The following KIZ variants were observed in gnomAD, a reference collection of about 807,000 sequenced individuals.
KIZ encodes the protein centrosomal protein kizuna.
KIZ carries 68 observed loss-of-function variants against 79.6 expected under a neutral mutation model. The observed-to-expected ratio is 0.85, with a 90% CI of 0.70 to 1.05. The LOEUF (loss-of-function observed/expected upper bound fraction) is 1.05, where lower values mean the gene tolerates loss of function less well. Ranked by LOEUF, KIZ falls within the 50% of genes least tolerant of loss-of-function variation. The pLI is 0.00. For missense variants in KIZ, 797 were observed against 800.4 expected, an observed-to-expected ratio of 1.00 and a Z score of 0.05; for synonymous variants, 280 against 281.8, an observed-to-expected ratio of 0.99 and a Z score of 0.06.
Position 21,136,551 on chromosome 20 carries a change from AG to A in KIZ, c.315+1del. 1 of 1,547,388 alleles carries A rather than the reference AG, an allele frequency of 6.5e-7. No homozygotes were observed. The highest frequency in any genetic ancestry group is 2.3e-5 in the East Asian group (1 of 43,466). ...AATACAGAGAAGCTTCAAAAACTGA[AG>A]GTGACTTCCTGTTTTTTACTGTGTT... ...TTNTEKLQKL[K>X]LEYETQIKKM... is the part of the protein sequence containing the mutation. On this transcript the variant is annotated frameshift_variant and splice_region_variant, in exon 3 of 13. Transcript: ENST00000619189. LOFTEE classifies it high-confidence loss of function.
chr20:21,232,949 T>G, intron 11 of KIZ, 119 bp downstream of exon 11: 1 of 632,974 alleles, frequency 1.6e-6, no homozygotes, highest in Non-Finnish European at 2.9e-6. Flanking sequence ...ATGGTTTGGG[T>G]TTTTGTTTAT....
chr20:21,165,616 A>G (rs1296054325), intron 6 of KIZ, among the ~76,000 whole-genome samples: 2 of 152,206 alleles, frequency 1.3e-5, no homozygotes, highest in Admixed American at 1.3e-4. Context: ...AGAAGTGTAG[A>G]TGGCCCTGAG....
chr20:21,216,072 G>T (rs1306568828), intron 9 of KIZ, among the ~76,000 whole-genome samples: 1 of 152,142 alleles, frequency 6.6e-6, no homozygotes, highest in South Asian at 2.1e-4. Context: ...TAGGAAGCTT[G>T]CGTTTGCCTC....
chr20:21,146,948 C>T (rs185889691), intron 4 of KIZ, among the ~76,000 whole-genome samples: 9 of 152,148 alleles, frequency 5.9e-5, no homozygotes, highest in Admixed American at 5.2e-4. Flanking sequence ...ATATGCCATT[C>T]GATGTAGGCC....
At chr20:21,186,498 G>T (rs1158747996) in intron 6 of KIZ, among the ~76,000 whole-genome samples, 1 of 151,158 alleles carries the variant, frequency 6.6e-6, no homozygotes, top group African/African-American at 2.4e-5. Context: ...AGAGGTCATT[G>T]CATCTGGTTC....
intron 10 of KIZ, among the ~76,000 whole-genome samples, chr20:21,230,015 A>T (rs1007897177): frequency 6.6e-6 from 1 of 152,184 alleles, no homozygotes; most frequent in Non-Finnish European, 1.5e-5. Flanking sequence ...TTAGAGTATA[A>T]GTTACCTCAG....
intron 11 of KIZ, among the ~76,000 whole-genome samples, chr20:21,239,290 T>G (rs2037137842): frequency 6.6e-6 from 1 of 152,210 alleles, no homozygotes; most frequent in Admixed American, 6.5e-5. Flanking sequence ...GCCAGGCACA[T>G]GCTGTGGCAG....
intron 4 of KIZ, among the ~76,000 whole-genome samples, 195 bp downstream of exon 4, chr20:21,145,849 C>G (rs1282424796): frequency 6.6e-6 from 1 of 152,100 alleles, no homozygotes; most frequent in Non-Finnish European, 1.5e-5. Context: ...AAGGGTGTTA[C>G]TTTGTGAAGA....
chr20:21,151,991 G>T (rs377746384), intron 4 of KIZ, among the ~76,000 whole-genome samples: 8 of 152,270 alleles, frequency 5.3e-5, no homozygotes, highest in East Asian at 3.9e-4. Context: ...TGCATATGGC[G>T]CCCAGAATCC....
At chr20:21,129,484 C>T (rs1025105241) in intron 1 of KIZ, among the ~76,000 whole-genome samples, 11 of 152,178 alleles carry the variant, frequency 7.2e-5, no homozygotes, top group African/African-American at 2.6e-4. Context: ...CCTATAATCC[C>T]GGCACTTTGA....
chr20:21,217,194 T>A (rs1468545514), intron 9 of KIZ, among the ~76,000 whole-genome samples: 2 of 152,236 alleles, frequency 1.3e-5, no homozygotes, highest in African/African-American at 4.8e-5. Flanking sequence ...AAGGTGTTAC[T>A]GTTCTGTCCT....
intron 11 of KIZ, among the ~76,000 whole-genome samples, chr20:21,236,664 G>A (rs760044646): frequency 6.6e-6 from 1 of 152,166 alleles, no homozygotes; most frequent in African/African-American, 2.4e-5. Flanking sequence ...GGGTATATTT[G>A]TTAATGGGCC....
At chr20:21,140,200 A>G (rs1027780839) in intron 3 of KIZ, among the ~76,000 whole-genome samples, 5 of 152,142 alleles carry the variant, frequency 3.3e-5, no homozygotes, top group Non-Finnish European at 7.4e-5. Context: ...TCTCCTCTTA[A>G]TGCTGCCATC....
At chr20:21,190,881 AT>A (rs2035078089) in intron 6 of KIZ, among the ~76,000 whole-genome samples, 1 of 152,190 alleles carries the variant, frequency 6.6e-6, no homozygotes, top group Admixed American at 6.5e-5. Context: ...AATAGATGAA[AT>A]TGTCTTTTCA....
intron 3 of KIZ, among the ~76,000 whole-genome samples, chr20:21,136,982 C>G (rs577513836): frequency 2.0e-5 from 3 of 152,304 alleles, no homozygotes; most frequent in South Asian, 4.1e-4. Context: ...AATGGGATAT[C>G]TCTAACACAG....
intron 2 of KIZ, 41 bp downstream of exon 2, chr20:21,132,200 A>G (rs1289457129): frequency 6.3e-6 from 6 of 945,228 alleles, no homozygotes; most frequent in African/African-American, 1.7e-5. Flanking sequence ...GCCAGGTTCC[A>G]TATATTAATC....
At chr20:21,159,651 CATG>C (rs1205960102) in intron 4 of KIZ, among the ~76,000 whole-genome samples, 2 of 152,200 alleles carry the variant, frequency 1.3e-5, no homozygotes, top group African/African-American at 4.8e-5. Flanking sequence ...TCTCATTTAG[CATG>C]ATATTTTCAA....
Position 21,162,331 on chromosome 20 carries a change from C to G in KIZ, c.866C>G (p.Thr289Ser), listed in dbSNP as rs1461809935. 6.2e-7 allele frequency: 1 copy of G among 1,613,916 alleles called. No individual in the cohort carries two copies. The highest frequency in any genetic ancestry group is 8.5e-7 in the Non-Finnish European group (1 of 1,179,830). The change falls in exon 5 of 13, where the codon ACT (threonine) becomes AGT (serine). Residue 289 changes from threonine to serine, a missense_variant. Coordinates refer to ENST00000619189, the MANE Select transcript of KIZ (RefSeq NM_018474.6). ...AGATTAAGTCCAGAGAACAGAACCA[C>G]TGATTTAAAGTGTGACAGTTCCAGC... is the stretch of plus-strand genomic sequence containing the variant. ...RERLSPENRT[T>S]DLKCDSSSGS...
chr20:21,226,561 A>T (rs1310024596), intron 9 of KIZ, among the ~76,000 whole-genome samples: 1 of 152,192 alleles, frequency 6.6e-6, no homozygotes, highest in Admixed American at 6.5e-5. Flanking sequence ...TCCATCTCCC[A>T]TGCATCTGAT....
Sources: gnomAD v4.1 joint callset for allele counts (sites outside exome capture counted in the v4.1 genomes callset) on GRCh38, gnomAD v4.1.1 for gene constraint, MANE v1.5 for transcripts, NCBI Gene and HGNC (gene_info 2026-07-23, HGNC 2026-07-21) for gene names.